The following DACH1 variants were observed in gnomAD, a reference collection of about 807,000 sequenced individuals.
DACH1 encodes the protein dachshund family transcription factor 1.
Under a neutral mutation model 54.2 loss-of-function variants are expected in DACH1, and 12 were observed. The observed-to-expected ratio is 0.22, with a 90% CI of 0.14 to 0.36. The LOEUF (loss-of-function observed/expected upper bound fraction) is 0.36, where lower values mean the gene tolerates loss of function less well. Among genes scored for constraint, DACH1 ranks in the 10% least tolerant of loss-of-function variants. The probability of loss-of-function intolerance (pLI) is 1.00; values close to 1 mark genes in which losing one functional copy is unlikely to be tolerated. For missense variants in DACH1, 805 were observed against 929.8 expected (o/e 0.87, Z 1.75); for synonymous variants, 386 against 366.2 (o/e 1.05, Z -0.62).
At chr13:71,707,872 T>A (rs1002689482) in intron 1 of DACH1, among the ~76,000 whole-genome samples, 3 of 152,068 alleles carry the variant, frequency 2.0e-5, no homozygotes, top group Non-Finnish European at 4.4e-5. Flanking sequence ...GATGGGTAAG[T>A]GAGCCATACT....
intron 1 of DACH1, among the ~76,000 whole-genome samples, chr13:71,741,860 A>C (rs912947526): frequency 7.9e-5 from 12 of 152,148 alleles, no homozygotes; most frequent in Non-Finnish European, 2.9e-5. Context: ...CAGAATACCT[A>C]TGTATAATCC....
intron 10 of DACH1, among the ~76,000 whole-genome samples, chr13:71,461,650 G>T (rs1041823406): frequency 6.6e-6 from 1 of 151,824 alleles, no homozygotes; most frequent in Non-Finnish European, 1.5e-5. Flanking sequence ...TTCCATTCTT[G>T]CTATCTTACA....
chr13:71,555,451 C>A (rs1213806498), intron 6 of DACH1, among the ~76,000 whole-genome samples: 1 of 151,782 alleles, frequency 6.6e-6, no homozygotes, highest in African/African-American at 2.4e-5. Context: ...TCAAGCAATT[C>A]TTCTGCCTCA....
chr13:71,754,603 T>C (rs1885065005), intron 1 of DACH1, among the ~76,000 whole-genome samples: 1 of 152,194 alleles, frequency 6.6e-6, no homozygotes, highest in Non-Finnish European at 1.5e-5. Context: ...GTAACCATTC[T>C]CTGGGCCAGT....
At chr13:71,710,070 A>G (rs1490422654) in intron 1 of DACH1, among the ~76,000 whole-genome samples, 1 of 152,076 alleles carries the variant, frequency 6.6e-6, no homozygotes, top group Non-Finnish European at 1.5e-5. Context: ...GCTTACACAT[A>G]TATTTTTTGT....
intron 2 of DACH1, among the ~76,000 whole-genome samples, chr13:71,673,015 T>C (rs1298028155): frequency 6.6e-6 from 1 of 152,172 alleles, no homozygotes; most frequent in Non-Finnish European, 1.5e-5. Context: ...CATTAGCAAC[T>C]TCATTATGGG....
At chr13:71,738,731 C>CAAA (rs34856567) in intron 1 of DACH1, among the ~76,000 whole-genome samples, 3,100 of 24,038 alleles carry the variant, frequency 0.13, 1,307 homozygotes, top group Non-Finnish European at 0.3. Flanking sequence ...GACTCTGTCT[C>CAAA]AAAAAAAAAA....
intron 6 of DACH1, among the ~76,000 whole-genome samples, chr13:71,553,996 A>G (rs560631835): frequency 1.3e-5 from 2 of 152,132 alleles, no homozygotes; most frequent in South Asian, 4.1e-4. Flanking sequence ...AGCAAATTAC[A>G]TATAGGTTCA....
intron 1 of DACH1, among the ~76,000 whole-genome samples, chr13:71,705,689 T>C (rs1364153594): frequency 6.6e-6 from 1 of 152,148 alleles, no homozygotes; most frequent in Non-Finnish European, 1.5e-5. Flanking sequence ...GAAAAGTTAT[T>C]TTCTGATGTT....
At position 71,748,871 on chromosome 13, in the gene DACH1, T is replaced by G. The variant is rs1029231327; in HGVS notation, c.849-66961A>C. Among the ~76,000 whole-genome samples, 6 of 51,074 alleles carry G rather than the reference T, an allele frequency of 1.2e-4. 1 individual carries two copies. The South Asian group carries it at 3.7e-3, about 32-fold the overall frequency. The allele number at this position is 51,074 out of a possible 152,430, so 33.5% of individuals were successfully genotyped here. Reference sequence around the variant, plus strand: ...CTTTCTTTCTTTCTTTCTTTCTTTCTTTCTTTCTTTCTTTCTTTCTTTCTT... The same window carrying G: ...CTTTCTTTCTTTCTTTCTTTCTTTCGTTCTTTCTTTCTTTCTTTCTTTCTT... On this transcript the variant is annotated intron_variant, in intron 1 of 10. Transcript: ENST00000613252.
chr13:71,534,288 GA>G (rs1882609356), intron 6 of DACH1, among the ~76,000 whole-genome samples: 1 of 151,600 alleles, frequency 6.6e-6, no homozygotes, highest in Admixed American at 6.6e-5. Flanking sequence ...TACATAAATC[GA>G]AGGAAAAATT....
chr13:71,794,438 TTTTA>T (rs2138103836), intron 1 of DACH1, among the ~76,000 whole-genome samples: 1 of 152,254 alleles, frequency 6.6e-6, no homozygotes, highest in Admixed American at 6.5e-5. Context: ...TGAGCAACCA[TTTTA>T]TTTATTTATT....
chr13:71,460,833 G>A (rs2138138779), intron 10 of DACH1, among the ~76,000 whole-genome samples: 1 of 152,124 alleles, frequency 6.6e-6, no homozygotes, highest in Middle Eastern at 3.4e-3. Flanking sequence ...GAAAGTAAGT[G>A]CAAATATGTT....
intron 6 of DACH1, among the ~76,000 whole-genome samples, chr13:71,549,018 A>G (rs1221197658): frequency 6.6e-6 from 1 of 152,108 alleles, no homozygotes; most frequent in Non-Finnish European, 1.5e-5. Flanking sequence ...TCCTCTGTAG[A>G]TCACTTCCAT....
rs747416084 is a variant in DACH1 at position 71,865,909 on chromosome 13, C to G, written c.848+13G>C. The G allele has an allele frequency of 1.3e-6, 2 of 1,590,598 alleles. No individual in the cohort carries two copies. Among genetic ancestry groups the G allele is most frequent in the Admixed American group, 1.7e-5 (1 of 58,128 alleles). On this transcript the variant is annotated intron_variant, in intron 1 of 10. Coordinates refer to ENST00000613252, the MANE Select transcript of DACH1 (RefSeq NM_080759.6). ...AGGGGCGCGGGCGGCGGGGGCTATC[C>G]CCCCCGACTCACCTTGCGTTGGTGC...
chr13:71,685,325 G>A (rs1254924986), intron 1 of DACH1, among the ~76,000 whole-genome samples: 2 of 152,144 alleles, frequency 1.3e-5, no homozygotes, highest in African/African-American at 4.8e-5. Flanking sequence ...TCATTAAAAT[G>A]CAAATACTCT....
chr13:71,650,130 C>T (rs1878571502), intron 2 of DACH1, among the ~76,000 whole-genome samples: 1 of 152,038 alleles, frequency 6.6e-6, no homozygotes, highest in African/African-American at 2.4e-5. Context: ...TTGAAATAGC[C>T]AAGAATAGTG....
At chr13:71,638,943 A>G (rs1480471093) in intron 2 of DACH1, among the ~76,000 whole-genome samples, 1 of 152,142 alleles carries the variant, frequency 6.6e-6, no homozygotes, top group African/African-American at 2.4e-5. Context: ...GTTCAATTCA[A>G]CAGTCATTAC....
intron 1 of DACH1, among the ~76,000 whole-genome samples, chr13:71,771,299 G>A (rs184251400): frequency 2.1e-5 from 3 of 145,834 alleles, no homozygotes; most frequent in Non-Finnish European, 4.6e-5. Flanking sequence ...ACCAGCAAAT[G>A]CAAAAAGAAG....
Sources: allele counts gnomAD v4.1 joint callset (sites outside exome capture counted in the v4.1 genomes callset), GRCh38; gene constraint gnomAD v4.1.1; transcripts MANE v1.5; gene names NCBI Gene and HGNC (gene_info 2026-07-23, HGNC 2026-07-21).